PWWP3B: variants seen among roughly 807,000 people sequenced by gnomAD.
The protein encoded by PWWP3B is PWWP domain containing 3B.
A neutral mutation model predicts 15.7 loss-of-function variants in PWWP3B; 5 were observed. That is an observed-to-expected ratio of 0.32 (90% CI 0.17 to 0.67). PWWP3B has a LOEUF of 0.67. Among genes scored for constraint, PWWP3B ranks in the 30% least tolerant of loss-of-function variants. The probability of loss-of-function intolerance (pLI) is 0.74; values close to 1 mark genes in which losing one functional copy is unlikely to be tolerated. For synonymous variants in PWWP3B, 203 were observed against 179.8 expected, an observed-to-expected ratio of 1.13 and a Z score of -1.03; for missense variants, 519 against 493.1, an observed-to-expected ratio of 1.05 and a Z score of -0.50.
At chrX:106,188,096 A>G (rs1223924621) in intron 2 of PWWP3B, among the ~76,000 whole-genome samples, 2 of 111,319 alleles carry the variant, frequency 1.8e-5, no homozygotes, top group Non-Finnish European at 3.8e-5. Flanking sequence ...GCCAATGGGG[A>G]TAAATTTCAT....
At chrX:106,188,611 C>A (rs777813978) in intron 2 of PWWP3B, among the ~76,000 whole-genome samples, 1 of 112,233 alleles carries the variant, frequency 8.9e-6, no homozygotes, top group Non-Finnish European at 1.9e-5. Context: ...ACTACCAATA[C>A]AGAAAGCTGT....
chrX:106,198,260 C>T lies in PWWP3B; in HGVS notation c.-400-5725C>T, dbSNP rs889995473. ...TGGTTTGTCCTTTTATAGCCACACC[C>T]TTCCCCACCTGTAACACCTGGCAAC... On this transcript the variant is annotated intron_variant, in intron 2 of 3. Coordinates refer to ENST00000357175, the MANE Select transcript of PWWP3B (RefSeq NM_001171020.2). Among the ~76,000 whole-genome samples, 10 of 111,423 alleles carry T rather than the reference C, an allele frequency of 9.0e-5. No homozygotes were observed. The East Asian group carries it at 1.7e-3, about 19-fold the overall frequency.
rs1351274558 is a variant in PWWP3B at position 106,207,236 on chromosome X, G to A, written c.1804G>A (p.Asp602Asn). 8.3e-7 allele frequency: 1 copy of A among 1,210,405 alleles called. No homozygotes were observed. The highest frequency in any genetic ancestry group is 3.0e-5 in the East Asian group (1 of 33,825). The change falls in exon 4 of 4, where the codon GAT (aspartate) becomes AAT (asparagine). Residue 602 changes from aspartate to asparagine, a missense_variant. Asp to Asn is a conservative substitution (Grantham distance 23, BLOSUM62 1). Transcript: ENST00000357175. Reference protein sequence around the residue: ...FTPCIETYFEDEDQLDEVVKY... With the variant: ...FTPCIETYFENEDQLDEVVKY... ...ACCCTGTATTGAAACATACTTTGAG[G>A]ATGAAGATCAGTTGGATGAAGTGGT... is the stretch of plus-strand genomic sequence containing the variant.
intron 2 of PWWP3B, among the ~76,000 whole-genome samples, chrX:106,186,206 G>T: frequency 9.0e-6 from 1 of 110,964 alleles, no homozygotes; most frequent in East Asian, 2.9e-4. Context: ...ACATGACTTT[G>T]AGAGTTCTGC....
chrX:106,191,301 G>T (rs1335486506), intron 2 of PWWP3B, among the ~76,000 whole-genome samples: 3 of 110,606 alleles, frequency 2.7e-5, no homozygotes, highest in Non-Finnish European at 5.7e-5. Context: ...TATTCTCTTT[G>T]AAGCAATTGT....
chrX:106,180,473 C>T (rs1309745180), intron 2 of PWWP3B, among the ~76,000 whole-genome samples: 4 of 111,705 alleles, frequency 3.6e-5, no homozygotes, highest in Admixed American at 9.5e-5. Context: ...AGAAGAAATC[C>T]GTTTGCTTAT....
chrX:106,204,798 C>T (rs2147638760), intron 3 of PWWP3B, among the ~76,000 whole-genome samples: 1 of 111,860 alleles, frequency 8.9e-6, no homozygotes, highest in African/African-American at 3.2e-5. Context: ...GAATAAAACT[C>T]TCATGATGGG....
chrX:106,198,651 CTAT>C (rs1443588375), intron 2 of PWWP3B, among the ~76,000 whole-genome samples: 1 of 111,553 alleles, frequency 9.0e-6, no homozygotes, highest in Non-Finnish European at 1.9e-5. Flanking sequence ...TTAGCATTTG[CTAT>C]TATTAGTTAT....
intron 2 of PWWP3B, among the ~76,000 whole-genome samples, chrX:106,196,131 G>C (rs1192040486): frequency 2.7e-5 from 3 of 111,531 alleles, no homozygotes; most frequent in Non-Finnish European, 5.7e-5. Context: ...TTGACTTTGT[G>C]TCTGGCATTA....
chrX:106,203,619 GA>G (rs1007868730), intron 2 of PWWP3B, among the ~76,000 whole-genome samples: 1 of 111,289 alleles, frequency 9.0e-6, no homozygotes, highest in Non-Finnish European at 1.9e-5. Context: ...CAATTCCATT[GA>G]AAAAAAATTG....
chrX:106,197,789 C>T (rs775070633), intron 2 of PWWP3B, among the ~76,000 whole-genome samples: 2 of 112,209 alleles, frequency 1.8e-5, no homozygotes, highest in Admixed American at 9.4e-5. Flanking sequence ...GCTGATTACC[C>T]TTTGGAATTC....
At chrX:106,198,383 T>C (rs1287840217) in intron 2 of PWWP3B, among the ~76,000 whole-genome samples, 12 of 111,562 alleles carry the variant, frequency 1.1e-4, no homozygotes. Flanking sequence ...GACCCACCCC[T>C]TATATAATCC....
intron 2 of PWWP3B, among the ~76,000 whole-genome samples, chrX:106,203,174 A>C (rs187754315): frequency 8.9e-6 from 1 of 111,927 alleles, no homozygotes; most frequent in South Asian, 3.7e-4. Flanking sequence ...ATGTAAAAAA[A>C]CTTCTAGAAA....
In PWWP3B at chrX:106,169,908, T is replaced by A. The variant is rs773110112; in HGVS notation, c.-528-1104T>A. Among the ~76,000 whole-genome samples the A allele has an allele frequency of 7.1e-5, 8 of 111,891 alleles. No individual in the cohort carries two copies. The South Asian group carries it at 3.0e-3, about 42-fold the overall frequency. ...TCGTACAGTGTATGCAATAAAAACC[T>A]GGAAATATACATGCTACTTTATTAA... On this transcript the variant is annotated intron_variant, in intron 1 of 3. Transcript: ENST00000357175.
chrX:106,173,136 G>C (rs1284379157), intron 2 of PWWP3B, among the ~76,000 whole-genome samples: 1 of 111,692 alleles, frequency 9.0e-6, no homozygotes, highest in Admixed American at 9.5e-5. Context: ...GATTGTTGAT[G>C]CTGAGCCTCA....
At position 106,206,141 on chromosome X, in the gene PWWP3B, G is replaced by A. The variant is rs1022348245; in HGVS notation, c.709G>A (p.Ala237Thr). The change falls in exon 4 of 4, where the codon GCT (alanine) becomes ACT (threonine). Residue 237 changes from alanine to threonine, a missense_variant. Coordinates refer to ENST00000357175, the MANE Select transcript of PWWP3B (RefSeq NM_001171020.2). ...TGCATGTGTTAAAGATGAAAAGTTT[G>A]CTCCACCTTTGTCACCTTTGTCATC... ...ESACVKDEKF[A>T]PPLSPLSSDM... 8.3e-7 allele frequency: 1 copy of A among 1,210,652 alleles called. No homozygotes were observed. The highest frequency in any genetic ancestry group is 2.2e-5 in the Admixed American group (1 of 45,874).
chrX:106,202,557 G>A (rs144833060), intron 2 of PWWP3B, among the ~76,000 whole-genome samples: 2 of 111,626 alleles, frequency 1.8e-5, no homozygotes, highest in East Asian at 2.8e-4. Context: ...TAGTTGCCGT[G>A]TCAACTACAG....
chrX:106,200,749 A>G (rs1192916808), intron 2 of PWWP3B, among the ~76,000 whole-genome samples: 2 of 111,949 alleles, frequency 1.8e-5, no homozygotes, highest in Admixed American at 9.4e-5. Context: ...ACAACAAAAC[A>G]TAAGAAACAG....
At chrX:106,170,459 TAAACTG>T (rs752049366) in intron 1 of PWWP3B, among the ~76,000 whole-genome samples, 1 of 112,151 alleles carries the variant, frequency 8.9e-6, no homozygotes, top group Non-Finnish European at 1.9e-5. Flanking sequence ...ACAGAACTCT[TAAACTG>T]AGAATGAAAA....
Sources: allele counts gnomAD v4.1 joint callset (sites outside exome capture counted in the v4.1 genomes callset), GRCh38; gene constraint gnomAD v4.1.1; transcripts MANE v1.5; gene names NCBI Gene and HGNC (gene_info 2026-07-23, HGNC 2026-07-21).